The following GRIA2 variants were observed in gnomAD, a reference collection of about 807,000 sequenced individuals.
GRIA2 encodes glutamate receptor 2.
Under a neutral mutation model 97.3 loss-of-function variants are expected in GRIA2, and 14 were observed. The ratio of observed to expected loss-of-function variants is 0.14; its 90% CI spans 0.10 to 0.23. The LOEUF (loss-of-function observed/expected upper bound fraction) is 0.23. Ranked by LOEUF, GRIA2 falls within the 10% of genes least tolerant of loss-of-function variation. The pLI is 1.00. For synonymous variants in GRIA2, 412 were observed against 387.8 expected (o/e 1.06, Z -0.73); for missense variants, 558 against 1,069.8 (o/e 0.52, Z 6.67).
At chr4:157,349,455 C>G (rs539540904) in intron 12 of GRIA2, among the ~76,000 whole-genome samples, 1 of 144,968 alleles carries the variant, frequency 6.9e-6, no homozygotes, top group African/African-American at 2.6e-5. Context: ...CTCCTTCCCC[C>G]GCTTCCTCCC....
At chr4:157,226,115 A>T (rs1403087356) in intron 2 of GRIA2, among the ~76,000 whole-genome samples, 1 of 151,998 alleles carries the variant, frequency 6.6e-6, no homozygotes, top group African/African-American at 2.4e-5. Context: ...ACAAATAGTT[A>T]TTAGTCTAGT....
chr4:157,351,490 A>T (rs141234851), intron 12 of GRIA2, among the ~76,000 whole-genome samples: 111 of 152,328 alleles, frequency 7.3e-4, no homozygotes, highest in African/African-American at 2.5e-3. Context: ...TAATGAGAAC[A>T]TATGGAAATA....
rs565224432 is a variant in GRIA2, at chr4:157,364,910, A to G, written c.*1479A>G. 1 of 151,734 alleles carries G rather than the reference A, an allele frequency of 6.6e-6. No individual in the cohort carries two copies. Among genetic ancestry groups the G allele is most frequent in the African/African-American group, 2.4e-5 (1 of 41,518 alleles). 9.4% of individuals were successfully genotyped at this position (151,734 alleles called of 1,614,324 possible). A position where few individuals can be genotyped will look rare whatever the true frequency, so the allele number is the denominator to read the frequency against. ...TGTCACATTTCTGTAACTTTTGACTAAAGAGCCTATATTTATCTAGTTAAT... is the reference window on the plus strand; with the variant it reads ...TGTCACATTTCTGTAACTTTTGACTGAAGAGCCTATATTTATCTAGTTAAT... On this transcript the variant is annotated 3_prime_UTR_variant, in exon 16 of 16. Coordinates refer to ENST00000264426, the MANE Select transcript of GRIA2 (RefSeq NM_001083619.3).
chr4:157,363,374 T>A lies in GRIA2; in HGVS notation c.*4-61T>A, dbSNP rs973232935. On this transcript the variant is annotated intron_variant, in intron 15 of 15. Transcript: ENST00000264426. ...AAAACAACCCTGCCTTTCCTCTGGATGCATTTGAAAACCATAACGTATGAT... is the reference window on the plus strand; with the variant it reads ...AAAACAACCCTGCCTTTCCTCTGGAAGCATTTGAAAACCATAACGTATGAT... 98 of 1,081,004 alleles carry A rather than the reference T, an allele frequency of 9.1e-5. No homozygotes were observed. In the Middle Eastern group the frequency reaches 1.1e-3, roughly 12 times the overall value. 67.0% of individuals were successfully genotyped at this position (1,081,004 alleles called of 1,614,324 possible). A position where few individuals can be genotyped will look rare whatever the true frequency, so the allele number is the denominator to read the frequency against.
At chr4:157,350,998 AG>A (rs1225262651) in intron 12 of GRIA2, among the ~76,000 whole-genome samples, 1 of 149,892 alleles carries the variant, frequency 6.7e-6, no homozygotes, top group East Asian at 1.9e-4. Flanking sequence ...TATCATATAC[AG>A]TAGTAATATC....
intron 2 of GRIA2, among the ~76,000 whole-genome samples, chr4:157,243,106 A>T (rs887082199): frequency 6.6e-6 from 1 of 152,090 alleles, no homozygotes; most frequent in Non-Finnish European, 1.5e-5. Flanking sequence ...GCCTTGTTTG[A>T]TCTCAGCTGG....
chr4:157,333,509 CTGTT>C (rs943325858), intron 8 of GRIA2, among the ~76,000 whole-genome samples, 156 bp downstream of exon 8: 24 of 151,792 alleles, frequency 1.6e-4, no homozygotes, highest in African/African-American at 4.8e-4. Flanking sequence ...TTCCTAAAGT[CTGTT>C]TATTTCTGGT....
chr4:157,237,230 G>A (rs1730292844), intron 2 of GRIA2, among the ~76,000 whole-genome samples: 1 of 151,162 alleles, frequency 6.6e-6, no homozygotes, highest in Non-Finnish European at 1.5e-5. Context: ...CGTAAGGTTA[G>A]CCAATTGTCA....
At chr4:157,306,420 G>A (rs894586026) in intron 3 of GRIA2, among the ~76,000 whole-genome samples, 1 of 152,126 alleles carries the variant, frequency 6.6e-6, no homozygotes, top group South Asian at 2.1e-4. Context: ...AAATTGAAGT[G>A]ATGAGATAAT....
intron 2 of GRIA2, among the ~76,000 whole-genome samples, chr4:157,231,232 T>C (rs1454719225): frequency 6.6e-6 from 1 of 152,026 alleles, no homozygotes; most frequent in Non-Finnish European, 1.5e-5. Context: ...AGAGATGGGG[T>C]TTCACCGTGT....
intron 2 of GRIA2, among the ~76,000 whole-genome samples, chr4:157,282,727 C>A (rs1732662493): frequency 6.6e-6 from 1 of 152,102 alleles, no homozygotes; most frequent in Non-Finnish European, 1.5e-5. Flanking sequence ...TTATGAAAAT[C>A]CCAAACAAAA....
rs1243381588 is a variant in GRIA2, at chr4:157,365,567, A to G, written c.*2136A>G. On this transcript the variant is annotated 3_prime_UTR_variant, in exon 16 of 16. Transcript: ENST00000264426. ...TTTTTATAGATACAACATGACAAGA[A>G]TACATAATGTAAGAGTATTTCAACT... 1 of 152,044 alleles carries G rather than the reference A, an allele frequency of 6.6e-6. No homozygotes were observed. Among genetic ancestry groups the G allele is most frequent in the African/African-American group, 2.4e-5 (1 of 41,412 alleles). 9.4% of individuals were successfully genotyped at this position (152,044 alleles called of 1,614,324 possible).
At chr4:157,360,471 G>A (rs1463128331) in intron 13 of GRIA2, among the ~76,000 whole-genome samples, 2 of 150,556 alleles carry the variant, frequency 1.3e-5, no homozygotes, top group African/African-American at 4.9e-5. Context: ...TAACTACCTT[G>A]TCAGTCTACC....
At chr4:157,318,948 T>G (rs1270860109) in intron 5 of GRIA2, among the ~76,000 whole-genome samples, 1 of 152,202 alleles carries the variant, frequency 6.6e-6, no homozygotes, top group East Asian at 1.9e-4. Context: ...AATACAACAT[T>G]TACAGCCTTC....
At chr4:157,363,239 G>T (rs553738332) in intron 15 of GRIA2, 192 bp downstream of exon 15, 45 of 661,578 alleles carry the variant, frequency 6.8e-5, no homozygotes, top group African/African-American at 6.1e-4. Context: ...ACAGTAGCTT[G>T]GGTGAATGTG....
chr4:157,357,526 TA>T (rs1361298245), intron 12 of GRIA2, among the ~76,000 whole-genome samples: 1 of 152,138 alleles, frequency 6.6e-6, no homozygotes, highest in Non-Finnish European at 1.5e-5. Context: ...CATCAATGTG[TA>T]TTTTAAAGTC....
intron 2 of GRIA2, among the ~76,000 whole-genome samples, chr4:157,278,683 C>T (rs1732458636): frequency 6.6e-6 from 1 of 151,704 alleles, no homozygotes. Context: ...GAGGACAAAC[C>T]ACAGAATTTG....
chr4:157,264,743 T>C (rs1343405854), intron 2 of GRIA2, among the ~76,000 whole-genome samples: 1 of 152,086 alleles, frequency 6.6e-6, no homozygotes, highest in Non-Finnish European at 1.5e-5. Context: ...GCTAGTCCCA[T>C]CTCTGCAGCT....
chr4:157,316,638 C>A (rs1209558147), intron 4 of GRIA2, among the ~76,000 whole-genome samples: 3 of 152,140 alleles, frequency 2.0e-5, no homozygotes, highest in East Asian at 1.9e-4. Context: ...AACAAAAAAA[C>A]CTAAAAGGGC....
Sources: gnomAD v4.1 joint callset for allele counts (sites outside exome capture counted in the v4.1 genomes callset) on GRCh38, gnomAD v4.1.1 for gene constraint, MANE v1.5 for transcripts, NCBI Gene and HGNC (gene_info 2026-07-23, HGNC 2026-07-21) for gene names.